ACOT11: variants seen among roughly 807,000 people sequenced by gnomAD.
ACOT11 encodes the protein acyl-coenzyme A thioesterase 11.
Under a neutral mutation model 77.5 loss-of-function variants are expected in ACOT11, and 69 were observed. That is an observed-to-expected ratio of 0.89 (90% CI 0.73 to 1.09). The LOEUF is 1.09. Among genes scored for constraint, ACOT11 ranks in the 50% least tolerant of loss-of-function variants. The pLI, the probability that ACOT11 is intolerant of heterozygous loss-of-function variation, is 0.00. For missense variants in ACOT11, 766 were observed against 813.7 expected (o/e 0.94, Z 0.71); for synonymous variants, 279 against 313.0 (o/e 0.89, Z 1.15).
downstream of ACOT11, chr1:54,611,858 C>T (rs965037226): frequency 3.2e-6 from 4 of 1,268,720 alleles, no homozygotes; most frequent in Non-Finnish European, 4.4e-6. Context: ...ATCTGTCCTC[C>T]AGTCGCCCAC....
At chr1:54,620,611 G>A (rs892544953) in intron 15 of ACOT11, among the ~76,000 whole-genome samples, 8 of 150,434 alleles carry the variant, frequency 5.3e-5, no homozygotes, top group African/African-American at 1.7e-4. Context: ...TTGGGAGGCC[G>A]AGGTGGGTGG....
chr1:54,550,024 C>G (rs1489857779), intron 1 of ACOT11, among the ~76,000 whole-genome samples: 1 of 152,184 alleles, frequency 6.6e-6, no homozygotes, highest in Non-Finnish European at 1.5e-5. Context: ...TGAACTCATT[C>G]AGTTCTCTAT....
intron 7 of ACOT11, 21 bp downstream of exon 7, chr1:54,597,436 C>T (rs1643900575): frequency 6.3e-7 from 1 of 1,591,354 alleles, no homozygotes. Flanking sequence ...GGTGTGCTGC[C>T]TCTGCCTCCC....
intron 6 of ACOT11, among the ~76,000 whole-genome samples, chr1:54,596,445 T>G (rs548273730): frequency 6.6e-5 from 10 of 152,340 alleles, no homozygotes; most frequent in Middle Eastern, 3.4e-3. Flanking sequence ...CAGGACCCCA[T>G]GCACTGCCTG....
chr1:54,574,616 CTTG>C (rs1392295432), intron 1 of ACOT11, among the ~76,000 whole-genome samples: 2 of 152,162 alleles, frequency 1.3e-5, no homozygotes, highest in Admixed American at 6.5e-5. Flanking sequence ...GGGGTGCTCA[CTTG>C]TTGAATGAAT....
chr1:54,604,056 A>G (rs1389848527), intron 11 of ACOT11, 119 bp downstream of exon 11: 1 of 933,912 alleles, frequency 1.1e-6, no homozygotes, highest in Non-Finnish European at 1.7e-6. Context: ...GACACGCCTC[A>G]TGATTGCTAC....
In ACOT11 at chr1:54,610,005, C is replaced by T. The variant is rs1001282266; in HGVS notation, c.*893C>T. The stretch of plus-strand genomic sequence containing the variant: ...GGTTATCATAAGGTGTTAAGAGTCC[C>T]TTGTTAAAGGGGCAGTGGGAGTTAT... On this transcript the variant is annotated 3_prime_UTR_variant, in exon 16 of 16. Transcript: ENST00000343744. The T allele has an allele frequency of 9.2e-5, 140 of 1,528,608 alleles. No homozygotes were observed. The highest frequency in any genetic ancestry group is 1.2e-4 in the Non-Finnish European group (135 of 1,142,362). 94.7% of individuals were successfully genotyped at this position (1,528,608 alleles called of 1,614,324 possible). A position where few individuals can be genotyped will look rare whatever the true frequency, so the allele number is the denominator to read the frequency against.
downstream of ACOT11, chr1:54,612,380 G>A: frequency 1.3e-6 from 1 of 768,058 alleles, no homozygotes; most frequent in Non-Finnish European, 2.2e-6. Flanking sequence ...CACTGGCAGG[G>A]GTTGGACGAA....
At position 54,588,199 on chromosome 1, in the gene ACOT11, G is replaced by A. The variant is rs575724488; in HGVS notation, c.311+2295G>A. Among the ~76,000 whole-genome samples the A allele has an allele frequency of 5.3e-5, 8 of 152,160 alleles. No individual in the cohort carries two copies. In the South Asian group the frequency reaches 6.2e-4, roughly 12 times the overall value. ...AACCTGGGTGACACAGTGAGATCCCGTCTCAGGATAAATAAAAAAATAAAA... is the reference window on the plus strand; with the variant it reads ...AACCTGGGTGACACAGTGAGATCCCATCTCAGGATAAATAAAAAAATAAAA... On this transcript the variant is annotated intron_variant, in intron 3 of 15. Coordinates refer to ENST00000343744, the MANE Select transcript of ACOT11 (RefSeq NM_147161.4).
chr1:54,604,260 G>T, intron 11 of ACOT11, 86 bp from the exon 12 acceptor site: 1 of 1,292,948 alleles, frequency 7.7e-7, no homozygotes, highest in South Asian at 1.2e-5. Flanking sequence ...CCTGGCCCAG[G>T]TTCCTCTCTG....
At position 54,570,118 on chromosome 1, in the gene ACOT11, T is replaced by C. The variant is rs72668264; in HGVS notation, c.34-14537T>C. Among the ~76,000 whole-genome samples, 471 of 152,326 alleles carry C rather than the reference T, an allele frequency of 3.1e-3. 5 individuals carry two copies. The highest frequency in any genetic ancestry group is 0.019 in the South Asian group (93 of 4,828). On this transcript the variant is annotated intron_variant, in intron 1 of 15. Coordinates refer to ENST00000343744, the MANE Select transcript of ACOT11 (RefSeq NM_147161.4). ...AGCTGCTTTCTAGTGACTGTTGCCT[T>C]CTATTCCAATAATCCATTTCCCTCA... is the stretch of plus-strand genomic sequence containing the variant.
chr1:54,625,957 A>G (rs1353753615), intron 15 of ACOT11, among the ~76,000 whole-genome samples: 2 of 141,936 alleles, frequency 1.4e-5, no homozygotes, highest in South Asian at 2.3e-4. Flanking sequence ...AAAAAAAGAA[A>G]GAAAGAAAAA....
chr1:54,595,317 G>T (rs995491192), intron 6 of ACOT11, among the ~76,000 whole-genome samples: 2 of 152,080 alleles, frequency 1.3e-5, no homozygotes, highest in Non-Finnish European at 2.9e-5. Context: ...TTGCACTCCA[G>T]CCTAGGCAAA....
intron 1 of ACOT11, among the ~76,000 whole-genome samples, chr1:54,557,128 T>C (rs1264402798): frequency 1.3e-5 from 2 of 151,892 alleles, no homozygotes; most frequent in Non-Finnish European, 2.9e-5. Context: ...GCATGGTGGC[T>C]CACGCTTGTA....
intron 7 of ACOT11, chr1:54,598,483 T>G (rs1643914710): frequency 6.6e-6 from 1 of 152,254 alleles, no homozygotes; most frequent in South Asian, 2.1e-4. Flanking sequence ...GAACTGCCAC[T>G]GGGTTGGGTG....
intron 1 of ACOT11, among the ~76,000 whole-genome samples, chr1:54,576,800 C>A (rs911548307): frequency 5.9e-5 from 9 of 151,838 alleles, no homozygotes; most frequent in Non-Finnish European, 1.5e-5. Flanking sequence ...GAGGTGTGGG[C>A]AGGGGTGGCC....
intron 15 of ACOT11, among the ~76,000 whole-genome samples, chr1:54,626,269 C>CA (rs1039261445): frequency 1.6e-4 from 23 of 147,860 alleles, no homozygotes; most frequent in African/African-American, 4.0e-4. Context: ...GACCCTGTTT[C>CA]AAAAAAAAGA....
intron 15 of ACOT11, among the ~76,000 whole-genome samples, chr1:54,619,652 C>T (rs72668288): frequency 3.0e-4 from 45 of 152,298 alleles, no homozygotes; most frequent in Non-Finnish European, 5.4e-4. Flanking sequence ...ACTTTGGAGT[C>T]AGACATGTGG....
downstream of ACOT11, among the ~76,000 whole-genome samples, chr1:54,611,444 C>T (rs1425398247): frequency 6.6e-6 from 1 of 152,060 alleles, no homozygotes; most frequent in Non-Finnish European, 1.5e-5. Flanking sequence ...TGAAGCTTAG[C>T]ATACCATCCC....
Sources: gnomAD v4.1 joint callset for allele counts (sites outside exome capture counted in the v4.1 genomes callset) on GRCh38, gnomAD v4.1.1 for gene constraint, MANE v1.5 for transcripts, NCBI Gene and HGNC (gene_info 2026-07-23, HGNC 2026-07-21) for gene names.